Variants in NUP210 observed in about 807,000 individuals in gnomAD.
The protein encoded by NUP210 is nuclear pore membrane glycoprotein 210.
In NUP210, 151 loss-of-function variants were observed where a neutral mutation model predicts 196.0. The ratio of observed to expected loss-of-function variants is 0.77; its 90% CI spans 0.67 to 0.88. The LOEUF (loss-of-function observed/expected upper bound fraction) is 0.88. Ranked by LOEUF, NUP210 falls within the 40% of genes least tolerant of loss-of-function variation. The pLI, the probability that NUP210 is intolerant of heterozygous loss-of-function variation, is 0.00. For missense variants in NUP210, 2,314 were observed against 2,493.7 expected, an observed-to-expected ratio of 0.93 and a Z score of 1.53; for synonymous variants, 1,070 against 1,052.7, an observed-to-expected ratio of 1.02 and a Z score of -0.32.
intron 2 of NUP210, among the ~76,000 whole-genome samples, chr3:13,397,914 A>T (rs1376319927): frequency 2.6e-5 from 4 of 152,212 alleles, no homozygotes; most frequent in African/African-American, 9.7e-5. Flanking sequence ...TTTATAAAAG[A>T]CTATCAAGTA....
At chr3:13,404,770 G>C (rs1345689706) in intron 1 of NUP210, among the ~76,000 whole-genome samples, 1 of 152,238 alleles carries the variant, frequency 6.6e-6, no homozygotes, top group African/African-American at 2.4e-5. Flanking sequence ...GGTGTCCCTG[G>C]AGATTCAGGC....
At chr3:13,333,696 C>T (rs934444138) in intron 28 of NUP210, among the ~76,000 whole-genome samples, 1 of 152,188 alleles carries the variant, frequency 6.6e-6, no homozygotes, top group Non-Finnish European at 1.5e-5. Context: ...GAGGCTGACT[C>T]GGATGCCCCC....
intron 18 of NUP210, 23 bp downstream of exon 18, chr3:13,353,531 C>T: frequency 1.9e-6 from 3 of 1,582,812 alleles, no homozygotes; most frequent in Non-Finnish European, 2.6e-6. Context: ...ATAGCCCACC[C>T]ACCACTGGGC....
chr3:13,351,097 T>A (rs1697956023), intron 20 of NUP210, among the ~76,000 whole-genome samples: 1 of 152,162 alleles, frequency 6.6e-6, no homozygotes, highest in Non-Finnish European at 1.5e-5. Context: ...TTAGCAAACT[T>A]GAAGATGGAC....
At chr3:13,328,670 T>C in intron 31 of NUP210, 101 bp downstream of exon 31, 1 of 1,155,012 alleles carries the variant, frequency 8.7e-7, no homozygotes, top group South Asian at 1.4e-5. Flanking sequence ...GTAATACACA[T>C]CTTCCTTCAA....
At chr3:13,383,993 C>T (rs769861925) in intron 6 of NUP210, among the ~76,000 whole-genome samples, 14 of 152,172 alleles carry the variant, frequency 9.2e-5, no homozygotes, top group Non-Finnish European at 1.5e-4. Flanking sequence ...GAGACAGTCT[C>T]GCTCTGTCAC....
Position 13,360,312 on chromosome 3 carries a change from C to T in NUP210, c.2112G>A (p.Gln704=), listed in dbSNP as rs761473495. 3 of 1,614,230 alleles carry T rather than the reference C, an allele frequency of 1.9e-6. No individual in the cohort carries two copies. In the South Asian group the frequency reaches 3.3e-5, roughly 18 times the overall value. ...LFAPHSSRNY[Q]QHWILVTCQA... ...GACAGGTCACAAGGATCCAGTGTTG[C>T]TGATAATTCCGGGAGGAATGGGGGG... is the stretch of plus-strand genomic sequence containing the variant. Residue 704 remains glutamine, a synonymous_variant, in exon 15 of 40, where the codon CAG becomes CAA. Transcript: ENST00000254508.
intron 13 of NUP210, among the ~76,000 whole-genome samples, chr3:13,366,761 C>T (rs957648392): frequency 6.6e-6 from 1 of 150,446 alleles, no homozygotes; most frequent in Non-Finnish European, 1.5e-5. Context: ...TCATTATCCA[C>T]CCCCCTCAGC....
intron 28 of NUP210, among the ~76,000 whole-genome samples, chr3:13,333,229 T>C (rs996617467): frequency 3.3e-5 from 5 of 152,180 alleles, no homozygotes; most frequent in Non-Finnish European, 5.9e-5. Flanking sequence ...ACCTGGGAAC[T>C]CCAGGCCCCT....
At chr3:13,318,358 C>T (rs1212509132) in intron 39 of NUP210, among the ~76,000 whole-genome samples, 1 of 152,126 alleles carries the variant, frequency 6.6e-6, no homozygotes, top group Non-Finnish European at 1.5e-5. Context: ...AAGACAAGGG[C>T]GTGTGGGCTC....
intron 14 of NUP210, among the ~76,000 whole-genome samples, chr3:13,364,547 C>T (rs189674380): frequency 6.0e-4 from 91 of 152,224 alleles, no homozygotes; most frequent in African/African-American, 2.0e-3. Flanking sequence ...ATCCTAACAT[C>T]GCCAGGCACG....
intron 28 of NUP210, 44 bp downstream of exon 28, chr3:13,335,410 A>G: frequency 2.2e-5 from 35 of 1,573,934 alleles, no homozygotes; most frequent in Non-Finnish European, 2.8e-5. Context: ...GGCAGCTGGC[A>G]CTTCCTCTCC....
chr3:13,328,844 T>G lies in NUP210; in HGVS notation c.4213A>C (p.Thr1405Pro). 1 of 1,614,128 alleles carries G rather than the reference T, an allele frequency of 6.2e-7. No homozygotes were observed. Among genetic ancestry groups the G allele is most frequent in the Non-Finnish European group, 8.5e-7 (1 of 1,180,006 alleles). ...AVPLGMTVTF[T>P]VHFHDNSGDV... The stretch of plus-strand genomic sequence containing the variant: ...CCAGAGTTGTCGTGGAAGTGGACAG[T>G]GAAGGTCACGGTCATTCCCAAAGGC... Residue 1405 changes from threonine (T) to proline (P), a missense_variant, in exon 31 of 40, where the codon ACT (threonine) becomes CCT (proline). Thr to Pro is a conservative substitution (Grantham distance 38). Coordinates refer to ENST00000254508, the MANE Select transcript of NUP210 (RefSeq NM_024923.4).
chr3:13,392,253 G>A (rs958406412), intron 3 of NUP210, among the ~76,000 whole-genome samples: 1 of 152,174 alleles, frequency 6.6e-6, no homozygotes, highest in East Asian at 1.9e-4. Flanking sequence ...CTCAAAGACT[G>A]CATGAAATAG....
chr3:13,415,906 C>T (rs1376475238), intron 1 of NUP210, among the ~76,000 whole-genome samples: 1 of 152,176 alleles, frequency 6.6e-6, no homozygotes, highest in Admixed American at 6.5e-5. Context: ...GGATTTGCTG[C>T]AGCTTCCCCT....
intron 1 of NUP210, among the ~76,000 whole-genome samples, chr3:13,408,743 G>A (rs934925422): frequency 2.7e-4 from 38 of 142,860 alleles, no homozygotes; most frequent in Non-Finnish European, 4.5e-4. Context: ...AGCTGAGGTC[G>A]CACCACTGCA....
chr3:13,327,506 C>G (rs572312230), intron 31 of NUP210, 69 bp from the exon 32 acceptor site: 1 of 1,158,616 alleles, frequency 8.6e-7, no homozygotes, highest in Non-Finnish European at 1.2e-6. Context: ...AAGGGAGAAA[C>G]GTAATCCATG....
Position 13,371,011 on chromosome 3 carries a change from T to G in NUP210, c.1786+823A>C, listed in dbSNP as rs1698712694. Among the ~76,000 whole-genome samples the G allele has an allele frequency of 2.6e-5, 4 of 152,360 alleles. No homozygotes were observed. In the South Asian group the frequency reaches 8.3e-4, roughly 32 times the overall value. ...CCACGGACTGCCCACCTCTGGGCCCTGGTACAGGCGCCCCTGCTCACCAAA... is the reference window on the plus strand; with the variant it reads ...CCACGGACTGCCCACCTCTGGGCCCGGGTACAGGCGCCCCTGCTCACCAAA... On this transcript the variant is annotated intron_variant, in intron 13 of 39. Transcript: ENST00000254508.
intron 3 of NUP210, among the ~76,000 whole-genome samples, chr3:13,392,524 G>A (rs1699523935): frequency 6.6e-6 from 1 of 152,348 alleles, no homozygotes; most frequent in South Asian, 2.1e-4. Flanking sequence ...AGGGCATTAG[G>A]TGAGGATGGT....
Sources: gnomAD v4.1 joint callset for allele counts (sites outside exome capture counted in the v4.1 genomes callset) on GRCh38, gnomAD v4.1.1 for gene constraint, MANE v1.5 for transcripts, NCBI Gene and HGNC (gene_info 2026-07-23, HGNC 2026-07-21) for gene names.